BCAS3: variants seen among roughly 807,000 people sequenced by gnomAD.
BCAS3 encodes BCAS4/BCAS3 fusion.
Under a neutral mutation model 116.1 loss-of-function variants are expected in BCAS3, and 53 were observed. That is an observed-to-expected ratio of 0.46 (90% CI 0.37 to 0.57). The LOEUF is 0.57. Ranked by LOEUF, BCAS3 falls within the 20% of genes least tolerant of loss-of-function variation. The pLI, the probability that BCAS3 is intolerant of heterozygous loss-of-function variation, is 0.00. For missense variants in BCAS3, 917 were observed against 1,165.4 expected (o/e 0.79, Z 3.10); for synonymous variants, 391 against 408.2 (o/e 0.96, Z 0.51).
chr17:61,005,891 C>T (rs189291860), intron 15 of BCAS3, among the ~76,000 whole-genome samples: 60 of 151,538 alleles, frequency 4.0e-4, no homozygotes, highest in Non-Finnish European at 7.8e-4. Flanking sequence ...TGGTGGGCTG[C>T]ACCCACTAAC....
chr17:60,852,883 T>C (rs1305207006), intron 7 of BCAS3, among the ~76,000 whole-genome samples: 1 of 152,252 alleles, frequency 6.6e-6, no homozygotes, highest in African/African-American at 2.4e-5. Flanking sequence ...AAATACAATT[T>C]GGCAGTTTCT....
intron 6 of BCAS3, among the ~76,000 whole-genome samples, chr17:60,775,348 G>A (rs2045173050): frequency 6.6e-6 from 1 of 151,998 alleles, no homozygotes; most frequent in Admixed American, 6.6e-5. Context: ...TATCAACAAG[G>A]GACTACTATG....
chr17:60,698,379 T>A (rs2035926619), intron 4 of BCAS3, among the ~76,000 whole-genome samples: 1 of 152,124 alleles, frequency 6.6e-6, no homozygotes, highest in South Asian at 2.1e-4. Context: ...GCCTGGTGGC[T>A]TATGCCTGTA....
rs1044684937 is a variant in BCAS3 at position 61,388,081 on chromosome 17, C to T, written c.2594-3896C>T. Among the ~76,000 whole-genome samples the T allele has an allele frequency of 1.3e-5, 2 of 152,194 alleles. No homozygotes were observed. The highest frequency in any genetic ancestry group is 6.5e-5 in the Admixed American group (1 of 15,288). On this transcript the variant is annotated intron_variant, in intron 23 of 23. Coordinates refer to ENST00000407086, the MANE Select transcript of BCAS3 (RefSeq NM_017679.5). The surrounding 1 kb of genome is among the most constrained non-coding windows in gnomAD (Gnocchi z 6.5). ...CCACAGAGCCCCCAGCACTCTCTTT[C>T]GGGCCCTGGCAGGTTCCTGATGGAC...
intron 22 of BCAS3, among the ~76,000 whole-genome samples, chr17:61,330,914 G>A (rs1182561432): frequency 1.3e-5 from 2 of 152,210 alleles, no homozygotes; most frequent in African/African-American, 4.8e-5. Flanking sequence ...CATTGTCATT[G>A]TGTGACAGTT....
intron 7 of BCAS3, among the ~76,000 whole-genome samples, chr17:60,845,792 T>C (rs2052465099): frequency 6.6e-6 from 1 of 151,568 alleles, no homozygotes; most frequent in African/African-American, 2.4e-5. Context: ...TTCCTTTTTT[T>C]TTTTTTCTCT....
intron 13 of BCAS3, among the ~76,000 whole-genome samples, chr17:60,929,960 A>G (rs1304808858): frequency 2.0e-4 from 30 of 151,802 alleles, no homozygotes; most frequent in Admixed American, 1.8e-3. Context: ...TTCTTAATCC[A>G]GTCTATCATT....
chr17:60,832,474 T>C (rs934778642), intron 7 of BCAS3, among the ~76,000 whole-genome samples: 2 of 152,192 alleles, frequency 1.3e-5, no homozygotes, highest in African/African-American at 4.8e-5. Context: ...ACTTGTTGCC[T>C]ACAAAAATAG....
intron 6 of BCAS3, among the ~76,000 whole-genome samples, chr17:60,748,225 G>A (rs1459627830): frequency 6.6e-6 from 1 of 152,182 alleles, no homozygotes; most frequent in African/African-American, 2.4e-5. Context: ...CATTGTGATT[G>A]TGTGTAAATA....
intron 19 of BCAS3, among the ~76,000 whole-genome samples, chr17:61,054,997 A>G (rs915981763): frequency 1.3e-5 from 2 of 152,216 alleles, no homozygotes; most frequent in Admixed American, 6.5e-5. Context: ...CATTTATGCT[A>G]TCTCACGTAA....
intron 22 of BCAS3, among the ~76,000 whole-genome samples, chr17:61,146,273 AT>A (rs112303266): frequency 0.04 from 5,550 of 137,334 alleles, 260 homozygotes; most frequent in African/African-American, 0.12. Context: ...CACCCAGCTG[AT>A]TTTTTTTTTT....
At chr17:61,192,246 C>CAAAAAAAAA (rs60456812) in intron 22 of BCAS3, among the ~76,000 whole-genome samples, 4,757 of 70,104 alleles carry the variant, frequency 0.068, 650 homozygotes, top group African/African-American at 0.21. Context: ...GCTCTGTTAC[C>CAAAAAAAAA]AAAAAAAAAA....
rs1703064597 is a variant in BCAS3, at chr17:61,381,802, G to T, written c.2594-10175G>T. Among the ~76,000 whole-genome samples the T allele has an allele frequency of 6.6e-6, 1 of 152,128 alleles. No individual in the cohort carries two copies. The highest frequency in any genetic ancestry group is 2.4e-5 in the African/African-American group (1 of 41,430). ...TATGTGGTTCTGGTTCTCTGGTAGG[G>T]TTGCTGTGAGCAGCATGTGGGACTC... On this transcript the variant is annotated intron_variant, in intron 23 of 23. Transcript: ENST00000407086. This position sits in a 1 kb window ranked among gnomAD's most constrained non-coding sequence, Gnocchi z 6.0.
intron 22 of BCAS3, among the ~76,000 whole-genome samples, chr17:61,123,913 A>G (rs1038976634): frequency 2.0e-5 from 3 of 152,090 alleles, no homozygotes; most frequent in Admixed American, 2.0e-4. Flanking sequence ...ACTAATCACT[A>G]TTTGTTTTCA....
chr17:61,373,805 TTTG>T (rs1320595531), intron 23 of BCAS3, among the ~76,000 whole-genome samples: 2,818 of 114,730 alleles, frequency 0.025, 223 homozygotes, highest in African/African-American at 0.085. Context: ...CTTCTTCTTC[TTTG>T]TTTTTTTTTT....
At chr17:61,255,439 G>T (rs1359632643) in intron 22 of BCAS3, among the ~76,000 whole-genome samples, 1 of 152,130 alleles carries the variant, frequency 6.6e-6, no homozygotes, top group East Asian at 1.9e-4. Context: ...TTCTTAATTT[G>T]ATGATGTCTT....
At chr17:60,680,710 G>T (rs1312257224) in intron 2 of BCAS3, among the ~76,000 whole-genome samples, 2 of 151,170 alleles carry the variant, frequency 1.3e-5, no homozygotes, top group Non-Finnish European at 2.9e-5. Context: ...GTCTCGGCTC[G>T]CTGCAGCCTC....
intron 7 of BCAS3, among the ~76,000 whole-genome samples, chr17:60,851,054 G>A (rs1232698961): frequency 6.6e-6 from 1 of 152,100 alleles, no homozygotes; most frequent in Non-Finnish European, 1.5e-5. Context: ...GTACAACACC[G>A]AAAGCGCAAT....
chr17:60,982,102 G>A (rs977125875), intron 14 of BCAS3, among the ~76,000 whole-genome samples: 1 of 152,082 alleles, frequency 6.6e-6, no homozygotes, highest in African/African-American at 2.4e-5. Context: ...CCTGAAAGAA[G>A]GATGTGTTCC....
Sources: allele counts gnomAD v4.1 joint callset (sites outside exome capture counted in the v4.1 genomes callset), GRCh38; gene constraint gnomAD v4.1.1; non-coding constraint Gnocchi (gnomAD v3.1); transcripts MANE v1.5; gene names NCBI Gene and HGNC (gene_info 2026-07-23, HGNC 2026-07-21).